RIBC2: variants seen among roughly 807,000 people sequenced by gnomAD.
RIBC2 encodes the protein RIB43A-like with coiled-coils protein 2.
Under a neutral mutation model 44.3 loss-of-function variants are expected in RIBC2, and 40 were observed. That is an observed-to-expected ratio of 0.90 (90% CI 0.70 to 1.18). The LOEUF (loss-of-function observed/expected upper bound fraction) is 1.18. Ranked by LOEUF, RIBC2 falls within the 50% of genes most tolerant of loss-of-function variation. The pLI, the probability that RIBC2 is intolerant of heterozygous loss-of-function variation, is 0.00. For missense variants in RIBC2, 459 were observed against 485.5 expected, an observed-to-expected ratio of 0.95 and a Z score of 0.51; for synonymous variants, 171 against 175.0, an observed-to-expected ratio of 0.98 and a Z score of 0.18.
chr22:45,420,131 C>T (rs376479376), intron 3 of RIBC2, among the ~76,000 whole-genome samples: 12 of 152,184 alleles, frequency 7.9e-5, no homozygotes, highest in Admixed American at 1.3e-4. Flanking sequence ...AGACCTACAA[C>T]GCCTTCACAG....
chr22:45,414,443 G>C, intron 2 of RIBC2, 40 bp downstream of exon 2: 1 of 1,431,222 alleles, frequency 7.0e-7, no homozygotes, highest in Non-Finnish European at 9.5e-7. Flanking sequence ...GTTTAGGATT[G>C]TGTGGCTTTA....
At chr22:45,422,708 A>C (rs768351281) in intron 4 of RIBC2, among the ~76,000 whole-genome samples, 1 of 152,174 alleles carries the variant, frequency 6.6e-6, no homozygotes, top group Non-Finnish European at 1.5e-5. Flanking sequence ...GGTGACATCC[A>C]CCTAGACTGT....
At chr22:45,416,004 C>A (rs559974371) in intron 2 of RIBC2, among the ~76,000 whole-genome samples, 1 of 152,104 alleles carries the variant, frequency 6.6e-6, no homozygotes, top group Non-Finnish European at 1.5e-5. Flanking sequence ...CCAGCCCCCA[C>A]GCACTATTTA....
rs949346536 is a variant in RIBC2, at chr22:45,432,496, AT to A, written c.*137del. ...TGTAATCGTCCACTGTGGACAAAAC[AT>A]TTATCTAACCTCTCCCGTGTATTTC... On this transcript the variant is annotated 3_prime_UTR_variant, in exon 7 of 7. Transcript: ENST00000614167. 1.6e-6 allele frequency: 1 copy of A among 613,406 alleles called. No homozygotes were observed. Among genetic ancestry groups the A allele is most frequent in the Non-Finnish European group, 2.9e-6 (1 of 341,686 alleles). 38.0% of individuals were successfully genotyped at this position (613,406 alleles called of 1,614,324 possible).
intron 3 of RIBC2, among the ~76,000 whole-genome samples, chr22:45,421,141 C>T (rs987376441): frequency 1.1e-4 from 16 of 151,748 alleles, no homozygotes; most frequent in African/African-American, 3.6e-4. Flanking sequence ...ACTGAAAATA[C>T]AAAATTAGCT....
At position 45,432,358 on chromosome 22, in the gene RIBC2, G is replaced by A. The variant is rs569608093; in HGVS notation, c.1145G>A (p.Arg382Gln). ...DYFTQFNTGS[R>Q] ...TTCACACAATTTAATACAGGAAGTC[G>A]ATAATGAGGAACACACCCTTGTTCC... is the stretch of plus-strand genomic sequence containing the variant. The change falls in exon 7 of 7, where the codon CGA becomes CAA. Residue 382 changes from arginine (R) to glutamine (Q), a missense_variant. Transcript: ENST00000614167. 2.6e-5 allele frequency: 41 copies of A among 1,585,454 alleles called. No homozygotes were observed. The highest frequency in any genetic ancestry group is 5.0e-5 in the Admixed American group (3 of 59,612).
At chr22:45,431,687 G>A (rs2087581977) in intron 6 of RIBC2, among the ~76,000 whole-genome samples, 1 of 152,168 alleles carries the variant, frequency 6.6e-6, no homozygotes, top group South Asian at 2.1e-4. Flanking sequence ...AGTGATCTGA[G>A]GGCTGGGCTC....
At chr22:45,422,776 A>G (rs890309061) in intron 4 of RIBC2, among the ~76,000 whole-genome samples, 6 of 151,722 alleles carry the variant, frequency 4.0e-5, no homozygotes, top group Non-Finnish European at 5.9e-5. Context: ...CACCTCTCAG[A>G]CTTCCCCTTT....
At chr22:45,414,233 C>T in intron 1 of RIBC2, 89 bp from the exon 2 acceptor site, 14 of 1,504,248 alleles carry the variant, frequency 9.3e-6, no homozygotes, top group Non-Finnish European at 1.2e-5. Context: ...TACAGTGGGG[C>T]AGAGATTAAA....
intron 6 of RIBC2, among the ~76,000 whole-genome samples, chr22:45,432,023 G>T (rs1447383314): frequency 6.6e-6 from 1 of 152,100 alleles, no homozygotes; most frequent in East Asian, 1.9e-4. Flanking sequence ...GAACACCCAC[G>T]GAGATTTAAT....
rs542872578 is a variant in RIBC2, at chr22:45,424,043, A to C, written c.675+1635A>C. ...GGCTTTTGCTAAACCCTATTGTCTC[A>C]TTCATCAATTTATTCATTCATATAT... On this transcript the variant is annotated intron_variant, in intron 4 of 6. Coordinates refer to ENST00000614167, the MANE Select transcript of RIBC2 (RefSeq NM_015653.5). 3.9e-5 allele frequency among the ~76,000 whole-genome samples: 6 copies of C among 152,156 alleles called. No homozygotes were observed. In the South Asian group the frequency reaches 1.2e-3, roughly 32 times the overall value.
chr22:45,424,154 A>G (rs1263082255), intron 4 of RIBC2, among the ~76,000 whole-genome samples: 2 of 152,208 alleles, frequency 1.3e-5, no homozygotes, highest in Admixed American at 1.3e-4. Flanking sequence ...AGGCAGCACC[A>G]TTGCAAACAC....
chr22:45,420,942 A>T (rs1157726943), intron 3 of RIBC2, among the ~76,000 whole-genome samples: 1 of 152,146 alleles, frequency 6.6e-6, no homozygotes, highest in Non-Finnish European at 1.5e-5. Flanking sequence ...CACACCTGTA[A>T]TCCCAGCACT....
At chr22:45,419,227 A>G (rs1330076402) in intron 3 of RIBC2, among the ~76,000 whole-genome samples, 1 of 152,142 alleles carries the variant, frequency 6.6e-6, no homozygotes, top group Non-Finnish European at 1.5e-5. Flanking sequence ...AAATTCATCT[A>G]ACTTCTCTTG....
At chr22:45,429,064 C>G (rs1444592709) in intron 5 of RIBC2, among the ~76,000 whole-genome samples, 2 of 152,246 alleles carry the variant, frequency 1.3e-5, no homozygotes, top group African/African-American at 4.8e-5. Context: ...GGGGCATAAT[C>G]ATTGGAATCA....
rs1214297378 is a variant in RIBC2, at chr22:45,417,750, C to A, written c.360C>A (p.Pro120=). ...GCCGTGAATTTGATCTGTCCGACCC[C>A]CTAGCCCTTAAGAAAGATCTTCCAG... ...ETRREFDLSD[P]LALKKDLPAR... is the part of the protein sequence containing the mutation. The change falls in exon 3 of 7, where the codon CCC becomes CCA. Residue 120 remains proline, a synonymous_variant. Transcript: ENST00000614167. The A allele has an allele frequency of 6.2e-7, 1 of 1,614,106 alleles. No individual in the cohort carries two copies. The highest frequency in any genetic ancestry group is 2.2e-5 in the East Asian group (1 of 44,878).
At chr22:45,418,956 C>T (rs2087452020) in intron 3 of RIBC2, among the ~76,000 whole-genome samples, 2 of 152,156 alleles carry the variant, frequency 1.3e-5, no homozygotes, top group South Asian at 2.1e-4. Context: ...ACCTAACAGT[C>T]GATCACCTCC....
chr22:45,416,979 GCAA>G (rs1310779105), intron 2 of RIBC2, among the ~76,000 whole-genome samples: 2 of 147,856 alleles, frequency 1.4e-5, no homozygotes, highest in African/African-American at 5.0e-5. Flanking sequence ...TTGGCTCGTA[GCAA>G]CCTCTGCCTC....
At chr22:45,414,172 T>G in intron 1 of RIBC2, 150 bp from the exon 2 acceptor site, 1 of 1,478,448 alleles carries the variant, frequency 6.8e-7, no homozygotes, top group South Asian at 1.4e-5. Flanking sequence ...CGAGCTCGCC[T>G]GGAGTCACCA....
Sources: allele counts gnomAD v4.1 joint callset (sites outside exome capture counted in the v4.1 genomes callset), GRCh38; gene constraint gnomAD v4.1.1; transcripts MANE v1.5; gene names NCBI Gene and HGNC (gene_info 2026-07-23, HGNC 2026-07-21).